The following WWC1 variants were observed in gnomAD, a reference collection of about 807,000 sequenced individuals.
The protein encoded by WWC1 is WW and C2 domain containing 1.
In WWC1, 55 loss-of-function variants were observed where a neutral mutation model predicts 138.4. The ratio of observed to expected loss-of-function variants is 0.40; its 90% CI spans 0.32 to 0.50. WWC1 has a LOEUF of 0.50. Among genes scored for constraint, WWC1 ranks in the 20% least tolerant of loss-of-function variants. The pLI is 0.72. For missense variants in WWC1, 1,226 were observed against 1,420.4 expected (o/e 0.86, Z 2.20); for synonymous variants, 524 against 564.9 (o/e 0.93, Z 1.03).
chr5:168,406,032 C>T (rs975877769), intron 5 of WWC1, among the ~76,000 whole-genome samples, 166 bp from the exon 6 acceptor site: 10 of 152,066 alleles, frequency 6.6e-5, no homozygotes, highest in Non-Finnish European at 4.4e-5. Context: ...CAGCCCGGGA[C>T]CTTCTATGCC....
chr5:168,431,479 T>C (rs1216571048), intron 15 of WWC1, 35 bp downstream of exon 15: 2 of 1,533,470 alleles, frequency 1.3e-6, no homozygotes, highest in African/African-American at 2.8e-5. Flanking sequence ...GCTGGCTGGC[T>C]GGCTGGCTGG....
chr5:168,380,171 A>G (rs1777507908), intron 2 of WWC1, among the ~76,000 whole-genome samples: 1 of 152,230 alleles, frequency 6.6e-6, no homozygotes, highest in Non-Finnish European at 1.5e-5. Context: ...AGCAGCTGGC[A>G]CAGTCGCTCA....
chr5:168,408,475 C>A, intron 6 of WWC1, 32 bp from the exon 7 acceptor site: 1 of 1,608,798 alleles, frequency 6.2e-7, no homozygotes, highest in Non-Finnish European at 8.5e-7. Context: ...CCTGGGAAGG[C>A]GCATCACTAA....
chr5:168,464,019 C>T (rs1378480782), intron 20 of WWC1, among the ~76,000 whole-genome samples: 1 of 152,134 alleles, frequency 6.6e-6, no homozygotes, highest in African/African-American at 2.4e-5. Flanking sequence ...TGATAACATG[C>T]TTACCTCTGA....
chr5:168,384,803 C>T (rs1777917981), intron 2 of WWC1, among the ~76,000 whole-genome samples: 1 of 150,956 alleles, frequency 6.6e-6, no homozygotes, highest in East Asian at 1.9e-4. Flanking sequence ...CTGCAACCTC[C>T]CCCTCCTGGG....
At chr5:168,452,974 C>T (rs1755968798) in intron 17 of WWC1, among the ~76,000 whole-genome samples, 1 of 152,172 alleles carries the variant, frequency 6.6e-6, no homozygotes, top group African/African-American at 2.4e-5. Flanking sequence ...CCTATAATCC[C>T]AACACTTTGG....
chr5:168,294,727 G>A (rs974319498), intron 1 of WWC1, among the ~76,000 whole-genome samples: 1 of 152,168 alleles, frequency 6.6e-6, no homozygotes, highest in African/African-American at 2.4e-5. Flanking sequence ...CTGGGTTCAA[G>A]CGATTCTCCT....
chr5:168,460,180 G>A (rs1228798291), intron 19 of WWC1, among the ~76,000 whole-genome samples: 1 of 152,162 alleles, frequency 6.6e-6, no homozygotes, highest in Non-Finnish European at 1.5e-5. Context: ...GTCAGTAAAG[G>A]CAGGCTCCAT....
chr5:168,408,786 C>A, intron 7 of WWC1, 133 bp downstream of exon 7: 1 of 1,257,124 alleles, frequency 8.0e-7, no homozygotes, highest in Non-Finnish European at 1.1e-6. Context: ...GCTGCTGCCT[C>A]AGCCCTCTGG....
In WWC1 at chr5:168,423,635, A is replaced by G. The variant is rs377359108; in HGVS notation, c.1377A>G (p.Ser459=). The G allele has an allele frequency of 6.2e-6, 10 of 1,614,090 alleles. No homozygotes were observed. The highest frequency in any genetic ancestry group is 3.3e-5 in the Admixed American group (2 of 60,016). ...LVASSLDSST[S]ASFTDLYYDP... is the part of the protein sequence containing the mutation. Reference sequence around the variant, plus strand: ...CATCCAGCCTGGACTCCTCCACTTCAGCCAGCTTCACTGACCTCTACTATG... The same window carrying G: ...CATCCAGCCTGGACTCCTCCACTTCGGCCAGCTTCACTGACCTCTACTATG... Residue 459 remains serine, a synonymous_variant, in exon 11 of 23, where the codon TCA becomes TCG. Coordinates refer to ENST00000265293, the MANE Select transcript of WWC1 (RefSeq NM_015238.3).
chr5:168,401,873 G>A (rs1339008316), intron 5 of WWC1, among the ~76,000 whole-genome samples: 1 of 152,136 alleles, frequency 6.6e-6, no homozygotes, highest in Non-Finnish European at 1.5e-5. Context: ...CTTAGAAAAT[G>A]CCTATTTTTG....
intron 1 of WWC1, among the ~76,000 whole-genome samples, chr5:168,330,013 G>A (rs1260147637): frequency 2.6e-5 from 4 of 152,170 alleles, no homozygotes; most frequent in Non-Finnish European, 5.9e-5. Flanking sequence ...GGGAGGCGGA[G>A]GCATGAGAAT....
chr5:168,350,607 C>T (rs538354188), intron 1 of WWC1, among the ~76,000 whole-genome samples: 17 of 152,270 alleles, frequency 1.1e-4, no homozygotes, highest in African/African-American at 3.4e-4. Context: ...TTTTCTCCAC[C>T]CCAACATAAA....
chr5:168,464,956 G>T lies in WWC1; in HGVS notation c.3144G>T (p.Glu1048Asp). ...ERFRLLLRML[E>D]KRQMDRAEHK... ...TCCGCCTGCTGCTGAGGATGCTGGA[G>T]AAGCGGGTGAGTTCTGCCTCGAAGG... Residue 1048 changes from glutamate (E) to aspartate (D), a missense_variant, in exon 21 of 23, where the codon GAG becomes GAT. Transcript: ENST00000265293. 2 of 1,613,828 alleles carry T rather than the reference G, an allele frequency of 1.2e-6. No homozygotes were observed. The highest frequency in any genetic ancestry group is 2.2e-5 in the South Asian group (2 of 91,066).
intron 1 of WWC1, among the ~76,000 whole-genome samples, chr5:168,337,747 T>C (rs780826860): frequency 2.0e-5 from 3 of 152,120 alleles, no homozygotes; most frequent in Non-Finnish European, 4.4e-5. Flanking sequence ...GTAAGTTCCA[T>C]GAAGGAAATA....
intron 1 of WWC1, among the ~76,000 whole-genome samples, chr5:168,322,950 G>A (rs764221): frequency 0.45 from 68,911 of 152,022 alleles, 16,279 homozygotes; most frequent in African/African-American, 0.57. Context: ...CAGATGGTCA[G>A]CAACTTCATA....
At chr5:168,361,388 A>C (rs1486530364) in intron 1 of WWC1, among the ~76,000 whole-genome samples, 1 of 152,182 alleles carries the variant, frequency 6.6e-6, no homozygotes, top group East Asian at 1.9e-4. Flanking sequence ...CCAAGTAGGT[A>C]ATGAGAAAAA....
chr5:168,364,934 C>T (rs1776175136), intron 1 of WWC1, among the ~76,000 whole-genome samples: 1 of 152,194 alleles, frequency 6.6e-6, no homozygotes, highest in Non-Finnish European at 1.5e-5. Context: ...CTGGTGTTAA[C>T]GAAGGCTCTG....
intron 11 of WWC1, among the ~76,000 whole-genome samples, chr5:168,425,466 C>G (rs1781430843): frequency 6.6e-6 from 1 of 150,918 alleles, no homozygotes; most frequent in Non-Finnish European, 1.5e-5. Context: ...TACAACACCT[C>G]TGGGAAGTGG....
Sources: gnomAD v4.1 joint callset for allele counts (sites outside exome capture counted in the v4.1 genomes callset) on GRCh38, gnomAD v4.1.1 for gene constraint, MANE v1.5 for transcripts, NCBI Gene and HGNC (gene_info 2026-07-23, HGNC 2026-07-21) for gene names.